The following DNM2 variants were observed in gnomAD, a reference collection of about 807,000 sequenced individuals.
DNM2 encodes dynamin-2.
Under a neutral mutation model 99.0 loss-of-function variants are expected in DNM2, and 15 were observed. That is an observed-to-expected ratio of 0.15 (90% confidence interval 0.10 to 0.23). DNM2 has a LOEUF of 0.23. Among genes scored for constraint, DNM2 ranks in the 10% least tolerant of loss-of-function variants. DNM2 has a pLI of 1.00. For synonymous variants in DNM2, 525 were observed against 481.2 expected (o/e 1.09, Z -1.19); for missense variants, 742 against 1,189.4 (o/e 0.62, Z 5.53).
At chr19:10,828,940 T>G in intron 18 of DNM2, 96 bp from the exon 19 acceptor site, 5 of 1,307,842 alleles carry the variant, frequency 3.8e-6, no homozygotes, top group South Asian at 1.3e-5. Flanking sequence ...AGTCTGGGGG[T>G]GGCCCCGCCC....
At chr19:10,779,959 T>C (rs936630497) in intron 5 of DNM2, among the ~76,000 whole-genome samples, 1 of 152,046 alleles carries the variant, frequency 6.6e-6, no homozygotes, top group Non-Finnish European at 1.5e-5. Context: ...CAGCCTTCTT[T>C]TGTGTTTTTT....
At chr19:10,734,131 G>A (rs569815282) in intron 1 of DNM2, among the ~76,000 whole-genome samples, 49 of 151,422 alleles carry the variant, frequency 3.2e-4, no homozygotes, top group African/African-American at 1.2e-3. Flanking sequence ...AAGGTGGGTG[G>A]ATCACTTGAG....
At chr19:10,766,370 A>G (rs1337642676) in intron 2 of DNM2, among the ~76,000 whole-genome samples, 4 of 152,120 alleles carry the variant, frequency 2.6e-5, no homozygotes, top group Non-Finnish European at 5.9e-5. Flanking sequence ...TCTCCAGGCC[A>G]GAGGTGACTG....
intron 2 of DNM2, chr19:10,769,507 C>T (rs1278028794): frequency 1.3e-5 from 2 of 152,328 alleles, no homozygotes; most frequent in Admixed American, 1.3e-4. Flanking sequence ...GGGAGAGGGC[C>T]TGTGTCCTTG....
chr19:10,803,182 G>A (rs1265120824), intron 12 of DNM2, among the ~76,000 whole-genome samples: 1 of 152,194 alleles, frequency 6.6e-6, no homozygotes, highest in Non-Finnish European at 1.5e-5. Flanking sequence ...TGTCCAGAGG[G>A]CGGCCACTGG....
intron 14 of DNM2, 102 bp downstream of exon 14, chr19:10,808,682 CAAAAATACT>C: frequency 7.2e-7 from 1 of 1,392,942 alleles, no homozygotes; most frequent in Non-Finnish European, 9.9e-7. Flanking sequence ...CTCCAAATAA[CAAAAATACT>C]AAAAATCGAG....
chr19:10,733,191 G>GTTT (rs34624666), intron 1 of DNM2, among the ~76,000 whole-genome samples: 2 of 123,774 alleles, frequency 1.6e-5, no homozygotes, highest in Admixed American at 8.3e-5. Flanking sequence ...GGCTGGTGTG[G>GTTT]TTTTTTTTTT....
intron 1 of DNM2, among the ~76,000 whole-genome samples, chr19:10,745,233 C>T (rs1462226200): frequency 1.3e-5 from 2 of 152,196 alleles, no homozygotes; most frequent in Non-Finnish European, 2.9e-5. Context: ...CTGCATTGCT[C>T]CCCGGACTAG....
rs965646218 is a variant in DNM2 at position 10,764,997 on chromosome 19, G to A, written c.235+5186G>A. ...TTTTTTGAGATGGAGTCTCGCTGTC[G>A]CCCAGGCTGGAGTGCAGTGGCGCCA... On this transcript the variant is annotated intron_variant, in intron 2 of 20. Transcript: ENST00000389253. The surrounding 1 kb of genome is among the most constrained non-coding windows in gnomAD (Gnocchi z 4.1). Among the ~76,000 whole-genome samples the A allele has an allele frequency of 2.1e-5, 3 of 144,604 alleles. No individual in the cohort carries two copies. The highest frequency in any genetic ancestry group is 3.5e-3 in the Middle Eastern group (1 of 286). The allele number at this position is 144,604 out of a possible 152,430, so 94.9% of individuals were successfully genotyped here.
At chr19:10,822,939 T>TA (rs1296306920) in intron 16 of DNM2, among the ~76,000 whole-genome samples, 3 of 151,864 alleles carry the variant, frequency 2.0e-5, no homozygotes, top group Non-Finnish European at 4.4e-5. Flanking sequence ...ACCCCGTCTC[T>TA]ACTAAAAATG....
chr19:10,795,355 G>A lies in DNM2; in HGVS notation c.1129-17G>A. 2 of 1,614,124 alleles carry A rather than the reference G, an allele frequency of 1.2e-6. No individual in the cohort carries two copies. Among genetic ancestry groups the A allele is most frequent in the Non-Finnish European group, 1.7e-6 (2 of 1,180,012 alleles). ...CCCGGGTGCCTCCATGCATGTGCTT[G>A]GTTTGTCTCTTCTCAGATGGAGTTT... On this transcript the variant is annotated splice_polypyrimidine_tract_variant and intron_variant, in intron 8 of 20. Transcript: ENST00000389253. This position sits in a 1 kb window ranked among gnomAD's most constrained non-coding sequence, Gnocchi z 4.2.
rs557270798 is a variant in DNM2 at position 10,765,051 on chromosome 19, G to A, written c.235+5240G>A. 3.3e-4 allele frequency among the ~76,000 whole-genome samples: 49 copies of A among 150,648 alleles called. No individual in the cohort carries two copies. Among genetic ancestry groups the A allele is most frequent in the Admixed American group, 1.8e-3 (27 of 15,014 alleles). ...CAGCTCACTGCAAGCTCCGCCTCCCGGGTTCACACCATGCTCCTGTCTCAG... is the reference window on the plus strand; with the variant it reads ...CAGCTCACTGCAAGCTCCGCCTCCCAGGTTCACACCATGCTCCTGTCTCAG... On this transcript the variant is annotated intron_variant, in intron 2 of 20. Transcript: ENST00000389253. The surrounding 1 kb of genome is among the most constrained non-coding windows in gnomAD (Gnocchi z 4.4).
In DNM2 at chr19:10,812,033, C is replaced by A. The variant is rs1268541208; in HGVS notation, c.1558-231C>A. The A allele has an allele frequency of 1.9e-6, 1 of 522,726 alleles. No individual in the cohort carries two copies. Among genetic ancestry groups the A allele is most frequent in the East Asian group, 4.8e-5 (1 of 20,742 alleles). 32.4% of individuals were successfully genotyped at this position (522,726 alleles called of 1,614,324 possible). On this transcript the variant is annotated intron_variant, in intron 14 of 20. Coordinates refer to ENST00000389253, the MANE Select transcript of DNM2 (RefSeq NM_001005361.3). This position sits in a 1 kb window ranked among gnomAD's most constrained non-coding sequence, Gnocchi z 4.0. ...CTCTGTGAGTCTATACCCCATCAGC[C>A]CCTGGCCCAGTGAGTCTGTCTGTCC... is the stretch of plus-strand genomic sequence containing the variant.
intron 12 of DNM2, among the ~76,000 whole-genome samples, chr19:10,803,256 A>T (rs564219790): frequency 1.8e-4 from 27 of 152,300 alleles, no homozygotes; most frequent in African/African-American, 6.0e-4. Context: ...ATCTCAGGCT[A>T]TGGAGTCACC....
At chr19:10,721,190 T>C (rs1005955186) in intron 1 of DNM2, among the ~76,000 whole-genome samples, 1 of 152,016 alleles carries the variant, frequency 6.6e-6, no homozygotes, top group Non-Finnish European at 1.5e-5. Context: ...CGAGTCTCAC[T>C]CTGTTCCCCA....
At position 10,796,523 on chromosome 19, in the gene DNM2, G is replaced by A. The variant is rs1289253617; in HGVS notation, c.1197-857G>A. ...TTTGCTGCCTCCTGGGAAGCAGAGA[G>A]GGACCCCCCGCGTCAACTGCTGGAG... is the stretch of plus-strand genomic sequence containing the variant. On this transcript the variant is annotated intron_variant, in intron 9 of 20. Transcript: ENST00000389253. This position sits in a 1 kb window ranked among gnomAD's most constrained non-coding sequence, Gnocchi z 5.6. 6.6e-6 allele frequency among the ~76,000 whole-genome samples: 1 copy of A among 152,156 alleles called. No homozygotes were observed. The highest frequency in any genetic ancestry group is 1.5e-5 in the Non-Finnish European group (1 of 68,014).
intron 18 of DNM2, among the ~76,000 whole-genome samples, chr19:10,827,021 A>G (rs1478017295): frequency 6.6e-6 from 1 of 151,420 alleles, no homozygotes; most frequent in East Asian, 2.0e-4. Context: ...GAGGCTTGGC[A>G]GGAGGATCAC....
At chr19:10,792,686 C>A (rs2071795207) in intron 7 of DNM2, among the ~76,000 whole-genome samples, 1 of 152,090 alleles carries the variant, frequency 6.6e-6, no homozygotes, top group African/African-American at 2.4e-5. Context: ...CGGCTCACTG[C>A]AGCCTCCGCC....
At chr19:10,828,288 T>TA (rs756351745) in intron 18 of DNM2, among the ~76,000 whole-genome samples, 1 of 137,406 alleles carries the variant, frequency 7.3e-6, no homozygotes, top group African/African-American at 2.8e-5. Context: ...CACAAAAAAA[T>TA]AAAGATATAA....
Sources: gnomAD v4.1 joint callset for allele counts (sites outside exome capture counted in the v4.1 genomes callset) on GRCh38, gnomAD v4.1.1 for gene constraint, Gnocchi (gnomAD v3.1) non-coding constraint, MANE v1.5 for transcripts, NCBI Gene and HGNC (gene_info 2026-07-23, HGNC 2026-07-21) for gene names.